RTEL1: variants seen among roughly 807,000 people sequenced by gnomAD.
The protein encoded by RTEL1 is regulator of telomere length.
In RTEL1, 86 loss-of-function variants were observed where a neutral mutation model predicts 162.2. That is an observed-to-expected ratio of 0.53 (90% CI 0.45 to 0.63). The LOEUF is 0.63. RTEL1 is among the 30% of genes least tolerant of loss of function. The probability of loss-of-function intolerance (pLI) is 0.00; values close to 1 mark genes in which losing one functional copy is unlikely to be tolerated. For missense variants in RTEL1, 1,941 were observed against 1,750.2 expected (o/e 1.11, Z -1.95); for synonymous variants, 958 against 717.9 (o/e 1.33, Z -5.35).
At chr20:63,693,462 T>C (rs13040918) in intron 30 of RTEL1, among the ~76,000 whole-genome samples, 179 bp downstream of exon 30, 5 of 9,550 alleles carry the variant, frequency 5.2e-4, no homozygotes, top group Admixed American at 1.4e-3. Context: ...CACCTCCACC[T>C]CCACCTCCAC....
chr20:63,675,858 C>T (rs896045283), intron 10 of RTEL1, among the ~76,000 whole-genome samples: 19 of 152,350 alleles, frequency 1.2e-4, no homozygotes, highest in African/African-American at 3.8e-4. Context: ...TCCCTCATCT[C>T]GGCAGCTGCC....
rs374357097 is a variant in RTEL1, at chr20:63,659,834, C to T, written c.102+330C>T. ...CGCTCAGCATACAGAGGACCTGCAC[C>T]GGCACCAGTCTCTGAGTTTCCTCAG... On this transcript the variant is annotated intron_variant, in intron 2 of 34. Transcript: ENST00000360203. Among the ~76,000 whole-genome samples the T allele has an allele frequency of 9.2e-5, 14 of 152,338 alleles. No homozygotes were observed. The East Asian group carries it at 1.2e-3, about 13-fold the overall frequency.
chr20:63,682,792 C>T, intron 14 of RTEL1: 2 of 715,666 alleles, frequency 2.8e-6, no homozygotes, highest in Non-Finnish European at 3.4e-6. Flanking sequence ...GAGGCGAACT[C>T]CAGGCAGGGT....
intron 24 of RTEL1, 79 bp downstream of exon 24, chr20:63,689,944 CAT>C (rs2090689343): frequency 1.3e-5 from 20 of 1,553,166 alleles, no homozygotes; most frequent in Middle Eastern, 1.8e-4. Context: ...TCCTTCCCCA[CAT>C]GAGGCCCCGT....
rs2145481921 is a variant in RTEL1, at chr20:63,695,759, T to C, written c.3823-19T>C. 6.3e-7 allele frequency: 1 copy of C among 1,588,086 alleles called. No individual in the cohort carries two copies. The highest frequency in any genetic ancestry group is 8.6e-7 in the Non-Finnish European group (1 of 1,167,332). On this transcript the variant is annotated intron_variant, in intron 34 of 34. Coordinates refer to ENST00000360203, the MANE Select transcript of RTEL1 (RefSeq NM_001283009.2). Reference sequence around the variant, plus strand: ...GGCAACGCCTGGCAGACGTGTGCAGTGGGCCGGTTGTCTCACAGGCCTCTA... The same window carrying C: ...GGCAACGCCTGGCAGACGTGTGCAGCGGGCCGGTTGTCTCACAGGCCTCTA...
At chr20:63,693,537 A>ACCTCCACCTCCACCT (rs1568720685) in intron 30 of RTEL1, among the ~76,000 whole-genome samples, 1 of 16,424 alleles carries the variant, frequency 6.1e-5, no homozygotes, top group Non-Finnish European at 1.2e-4. Context: ...CTCCACCACC[A>ACCTCCACCTCCACCT]CCACCACCAC....
chr20:63,692,496 G>C (rs1026341790), intron 28 of RTEL1: 9 of 452,444 alleles, frequency 2.0e-5, no homozygotes, highest in African/African-American at 3.9e-5. Flanking sequence ...CAGGGGGCTT[G>C]AGGGAGGAGG....
Position 63,695,517 on chromosome 20 carries a change from C to G in RTEL1, c.3689C>G (p.Ala1230Gly). The change falls in exon 34 of 35, where the codon GCC becomes GGC. Residue 1230 changes from alanine (A) to glycine (G), a missense_variant. Physicochemically the swap from Ala to Gly is moderately conservative, Grantham distance 60. Coordinates refer to ENST00000360203, the MANE Select transcript of RTEL1 (RefSeq NM_001283009.2). ...PHGRDIAGQQATGAPGGPLSA... is the reference protein window; with the variant it reads ...PHGRDIAGQQGTGAPGGPLSA... The stretch of plus-strand genomic sequence containing the variant: ...GGGAGAGACATCGCTGGGCAGCAGG[C>G]CACGGGAGCTCCGGGCGGGCCCCTC... 1 of 1,612,004 alleles carries G rather than the reference C, an allele frequency of 6.2e-7. No individual in the cohort carries two copies. Among genetic ancestry groups the G allele is most frequent in the Non-Finnish European group, 8.5e-7 (1 of 1,179,658 alleles).
chr20:63,676,470 C>G (rs1421820437), intron 10 of RTEL1, among the ~76,000 whole-genome samples: 1 of 152,130 alleles, frequency 6.6e-6, no homozygotes, highest in Non-Finnish European at 1.5e-5. Context: ...CCCGTTTCTT[C>G]CCATGTGAAC....
In RTEL1 at chr20:63,692,791, C is replaced by G; in HGVS notation, c.2653-14C>G. On this transcript the variant is annotated splice_polypyrimidine_tract_variant and intron_variant, in intron 28 of 34. Transcript: ENST00000360203. Reference sequence around the variant, plus strand: ...AGGCTGGCCCTGATGGAGCCTCGGGCCTGTGTCCTGCAGGAGGAGCCCGTG... The same window carrying G: ...AGGCTGGCCCTGATGGAGCCTCGGGGCTGTGTCCTGCAGGAGGAGCCCGTG... The G allele has an allele frequency of 1.9e-6, 3 of 1,607,072 alleles. No homozygotes were observed. The highest frequency in any genetic ancestry group is 2.6e-6 in the Non-Finnish European group (3 of 1,175,836).
At chr20:63,676,883 C>A (rs190556320) in intron 10 of RTEL1, among the ~76,000 whole-genome samples, 2 of 149,970 alleles carry the variant, frequency 1.3e-5, no homozygotes, top group African/African-American at 5.0e-5. Context: ...TGCAGTGAGC[C>A]GAGATCGCAC....
chr20:63,678,479 G>A, intron 12 of RTEL1, 133 bp downstream of exon 12: 2 of 807,366 alleles, frequency 2.5e-6, no homozygotes, highest in East Asian at 2.7e-5. Flanking sequence ...TGAGACCTGG[G>A]AGGAGCACCT....
intron 7 of RTEL1, among the ~76,000 whole-genome samples, chr20:63,666,878 C>G (rs372581129): frequency 1.1e-4 from 15 of 131,014 alleles, no homozygotes; most frequent in African/African-American, 3.5e-4. Flanking sequence ...CTCGCTCTGT[C>G]GCCCAGGCTG....
intron 12 of RTEL1, among the ~76,000 whole-genome samples, chr20:63,679,262 G>A (rs1176593906): frequency 6.6e-6 from 1 of 152,180 alleles, no homozygotes; most frequent in Non-Finnish European, 1.5e-5. Context: ...CGCCGACCTG[G>A]TCGGGGGAAT....
intron 14 of RTEL1, chr20:63,682,770 A>G: frequency 1.2e-6 from 1 of 867,844 alleles, no homozygotes; most frequent in South Asian, 5.4e-5. Flanking sequence ...TGTGGGATGC[A>G]CAGCTCAGCT....
At chr20:63,685,904 G>A (rs41310193) in intron 16 of RTEL1, 32 bp downstream of exon 16, 24 of 1,594,914 alleles carry the variant, frequency 1.5e-5, no homozygotes, top group East Asian at 4.5e-5. Flanking sequence ...CTCCCCGCCC[G>A]CCCGGGTGCA....
At chr20:63,679,983 G>A in intron 13 of RTEL1, 37 bp downstream of exon 13, 1 of 1,470,586 alleles carries the variant, frequency 6.8e-7, no homozygotes, top group Non-Finnish European at 9.4e-7. Flanking sequence ...GCGGGCAAAT[G>A]TGGCGTAGGG....
intron 14 of RTEL1, among the ~76,000 whole-genome samples, chr20:63,683,797 C>G (rs2090528534): frequency 6.6e-6 from 1 of 152,140 alleles, no homozygotes; most frequent in African/African-American, 2.4e-5. Flanking sequence ...CGCTCCTCTC[C>G]TAGTGCAGGC....
At position 63,688,787 on chromosome 20, in the gene RTEL1, C is replaced by T. The variant is rs2090655418; in HGVS notation, c.1800+182C>T. ...GCCTCTTATCTTACAAAGCCCCCAG[C>T]ACCGGGTGGGTGTGGTAACAGTGGC... On this transcript the variant is annotated intron_variant, in intron 21 of 34. Transcript: ENST00000360203. 4.6e-6 allele frequency: 3 copies of T among 649,484 alleles called. No homozygotes were observed. In the South Asian group the frequency reaches 5.8e-5, roughly 13 times the overall value. The allele number at this position is 649,484 out of a possible 1,614,324, so 40.2% of individuals were successfully genotyped here. A position where few individuals can be genotyped will look rare whatever the true frequency, so the allele number is the denominator to read the frequency against.
Sources: gnomAD v4.1 joint callset for allele counts (sites outside exome capture counted in the v4.1 genomes callset) on GRCh38, gnomAD v4.1.1 for gene constraint, MANE v1.5 for transcripts, NCBI Gene and HGNC (gene_info 2026-07-23, HGNC 2026-07-21) for gene names.